The following MGA variants were observed in gnomAD, a reference collection of about 807,000 sequenced individuals.
MGA encodes MAX dimerization protein MGA, also known as MAX gene-associated protein.
Under a neutral mutation model 261.1 loss-of-function variants are expected in MGA, and 40 were observed. The observed-to-expected ratio is 0.15, with a 90% confidence interval of 0.12 to 0.20. The LOEUF (loss-of-function observed/expected upper bound fraction) is 0.20. Among genes scored for constraint, MGA ranks in the 10% least tolerant of loss-of-function variants. MGA has a pLI of 1.00. For missense variants in MGA, 3,397 were observed against 3,630.5 expected (o/e 0.94, Z 1.65); for synonymous variants, 1,302 against 1,290.6 (o/e 1.01, Z -0.19).
exon 1 of MGA, chr15:41,621,253 A>G (rs2056272637): frequency 1.3e-5 from 2 of 152,286 alleles, no homozygotes; most frequent in South Asian, 2.1e-4. Context: ...GGAGCGCCCA[A>G]GGGCGATGGT....
At chr15:41,684,404 G>C (rs1296056172) in intron 2 of MGA, 1 of 453,040 alleles carries the variant, frequency 2.2e-6, no homozygotes, top group South Asian at 1.6e-5. Flanking sequence ...GTATTCTTTT[G>C]CCTAATTTAT....
rs748756129 is a variant in MGA at position 41,669,201 on chromosome 15, C to T, written c.307C>T (p.Arg103Cys). Residue 103 changes from arginine to cysteine, a missense_variant, in exon 2 of 24, where the codon CGC becomes TGC. Physicochemically the swap from Arg to Cys is radical, Grantham distance 180. Transcript: ENST00000219905. ...GATGATTCTGACCAAGCAAGGAAGA[C>T]GCATGTTTCCTTACTGTCGTTATTG... 1.2e-6 allele frequency: 2 copies of T among 1,613,914 alleles called. No individual in the cohort carries two copies. The highest frequency in any genetic ancestry group is 2.2e-5 in the East Asian group (1 of 44,886).
At position 41,660,445 on chromosome 15, in the gene MGA, C is replaced by G. The variant is rs1265761350; in HGVS notation, c.-148C>G. The G allele has an allele frequency of 1.3e-5, 2 of 152,640 alleles. No individual in the cohort carries two copies. Among genetic ancestry groups the G allele is most frequent in the African/African-American group, 4.8e-5 (2 of 41,448 alleles). The allele number at this position is 152,640 out of a possible 1,614,324, so 9.5% of individuals were successfully genotyped here. On this transcript the variant is annotated 5_prime_UTR_variant, in exon 1 of 24. Coordinates refer to ENST00000219905, the MANE Select transcript of MGA (RefSeq NM_001164273.2). Reference sequence around the variant, plus strand: ...GCAGGCTCTTCAGCTGGAGCGGACACACGGTGTGCGAACCGAACAGAATAA... The same window carrying G: ...GCAGGCTCTTCAGCTGGAGCGGACAGACGGTGTGCGAACCGAACAGAATAA...
At chr15:41,661,931 G>C (rs1049007472) in intron 1 of MGA, among the ~76,000 whole-genome samples, 2 of 152,060 alleles carry the variant, frequency 1.3e-5, no homozygotes, top group African/African-American at 2.4e-5. Context: ...GTGATCTGTC[G>C]GGACTCTTCC....
chr15:41,690,493 A>C (rs1237391688), intron 2 of MGA, among the ~76,000 whole-genome samples: 1 of 152,200 alleles, frequency 6.6e-6, no homozygotes, highest in African/African-American at 2.4e-5. Context: ...CAGTTGACAT[A>C]AATGTGGGCA....
intron 15 of MGA, among the ~76,000 whole-genome samples, chr15:41,744,878 G>GTTTA (rs1334928464): frequency 6.7e-6 from 1 of 149,970 alleles, no homozygotes; most frequent in Non-Finnish European, 1.5e-5. Flanking sequence ...GTGTGTGTTT[G>GTTTA]TTTATTTATT....
chr15:41,740,054 T>C lies in MGA; in HGVS notation c.4436T>C (p.Val1479Ala), dbSNP rs766874133. 4 of 1,613,998 alleles carry C rather than the reference T, an allele frequency of 2.5e-6. No individual in the cohort carries two copies. Among genetic ancestry groups the C allele is most frequent in the Non-Finnish European group, 1.7e-6 (2 of 1,179,882 alleles). Residue 1479 changes from valine (V) to alanine (A), a missense_variant and splice_region_variant, in exon 14 of 24, where the codon GTA becomes GCA. Transcript: ENST00000219905. ...ACCCTCAGTACTGTCATCTCCAAGG[T>C]AGCATCCAATGCCAAGGTGGCTGCA...
intron 15 of MGA, among the ~76,000 whole-genome samples, chr15:41,746,284 T>C (rs1261330421): frequency 6.6e-6 from 1 of 152,194 alleles, no homozygotes; most frequent in Non-Finnish European, 1.5e-5. Flanking sequence ...CTGACGCCTG[T>C]AATCCCAGCA....
intron 1 of MGA, among the ~76,000 whole-genome samples, chr15:41,642,629 G>A (rs558162226): frequency 6.6e-6 from 1 of 152,062 alleles, no homozygotes; most frequent in Non-Finnish European, 1.5e-5. Context: ...GGCTACAGGC[G>A]CATGCCACCT....
At position 41,696,841 on chromosome 15, in the gene MGA, C is replaced by T. The variant is rs982272047; in HGVS notation, c.1831C>T (p.Pro611Ser). ...TAATCAGAATGCCTCTCCAAATGTC[C>T]CTGGAAAAAGAGGAAGGCCACGAAA... The change falls in exon 3 of 24, where the codon CCT (proline) becomes TCT (serine). Residue 611 changes from proline to serine, a missense_variant. Around this residue, in one of 9 missense-constraint regions of MGA, gnomAD observed 563 missense variants for 563.6 expected, o/e 1.00. Transcript: ENST00000219905. 2 of 1,599,120 alleles carry T rather than the reference C, an allele frequency of 1.3e-6. No individual in the cohort carries two copies. The highest frequency in any genetic ancestry group is 1.7e-6 in the Non-Finnish European group (2 of 1,172,694).
At chr15:41,637,151 A>G (rs1456353815) in intron 1 of MGA, among the ~76,000 whole-genome samples, 1 of 152,162 alleles carries the variant, frequency 6.6e-6, no homozygotes, top group East Asian at 1.9e-4. Flanking sequence ...AGAAAGATTG[A>G]GGAAGCCTGA....
At chr15:41,744,017 G>C (rs924810396) in intron 15 of MGA, among the ~76,000 whole-genome samples, 2 of 152,056 alleles carry the variant, frequency 1.3e-5, no homozygotes, top group African/African-American at 4.8e-5. Context: ...GATTTGAGGG[G>C]AAATAATTAA....
At chr15:41,739,268 A>T (rs1167309079) in intron 13 of MGA, among the ~76,000 whole-genome samples, 2 of 152,196 alleles carry the variant, frequency 1.3e-5, no homozygotes, top group African/African-American at 4.8e-5. Context: ...TTAGTTAATT[A>T]TGTCTAGAAT....
At chr15:41,682,352 C>A (rs2058730185) in intron 2 of MGA, among the ~76,000 whole-genome samples, 1 of 152,188 alleles carries the variant, frequency 6.6e-6, no homozygotes, top group South Asian at 2.1e-4. Context: ...TCTTCGGGAG[C>A]TCTTTATTCT....
chr15:41,762,608 C>T (rs2063545066), intron 22 of MGA, among the ~76,000 whole-genome samples: 1 of 151,452 alleles, frequency 6.6e-6, no homozygotes, highest in African/African-American at 2.4e-5. Context: ...GCTGGGACTA[C>T]AGCGAGCACC....
At chr15:41,716,464 AAAAG>A (rs1377511596) in intron 9 of MGA, among the ~76,000 whole-genome samples, 1 of 152,150 alleles carries the variant, frequency 6.6e-6, no homozygotes, top group Non-Finnish European at 1.5e-5. Context: ...AAAAAAAAGA[AAAAG>A]AAAAAGGAGG....
chr15:41,698,447 G>C (rs2059662947), intron 3 of MGA, among the ~76,000 whole-genome samples: 1 of 152,194 alleles, frequency 6.6e-6, no homozygotes, highest in African/African-American at 2.4e-5. Context: ...TTATAGGCGT[G>C]AGCCACTGTG....
intron 1 of MGA, among the ~76,000 whole-genome samples, chr15:41,665,616 C>T (rs904063368): frequency 1.3e-5 from 2 of 152,184 alleles, no homozygotes; most frequent in African/African-American, 4.8e-5. Flanking sequence ...GATCCTCCTG[C>T]CTCAGCCTCC....
chr15:41,672,764 T>C (rs757880553), intron 2 of MGA, among the ~76,000 whole-genome samples: 2 of 152,178 alleles, frequency 1.3e-5, no homozygotes, highest in Non-Finnish European at 2.9e-5. Context: ...ACAGAGACCA[T>C]AGATGCTTGT....
Sources: gnomAD v4.1 joint callset for allele counts (sites outside exome capture counted in the v4.1 genomes callset) on GRCh38, gnomAD v4.1.1 for gene constraint, gnomAD v4.1.1 regional missense constraint, MANE v1.5 for transcripts, NCBI Gene and HGNC (gene_info 2026-07-23, HGNC 2026-07-21) for gene names.